Variants in ADGB observed in about 807,000 individuals in gnomAD.
ADGB encodes the protein androglobin, also known as calpain-7-like protein.
Under a neutral mutation model 210.5 loss-of-function variants are expected in ADGB, and 172 were observed. That is an observed-to-expected ratio of 0.82 (90% confidence interval 0.72 to 0.93). The LOEUF (loss-of-function observed/expected upper bound fraction) is 0.93. Ranked by LOEUF, ADGB falls within the 40% of genes least tolerant of loss-of-function variation. The probability of loss-of-function intolerance (pLI) is 0.00; values close to 1 mark genes in which losing one functional copy is unlikely to be tolerated. For missense variants in ADGB, 2,025 were observed against 1,964.8 expected, an observed-to-expected ratio of 1.03 and a Z score of -0.58; for synonymous variants, 658 against 662.7, an observed-to-expected ratio of 0.99 and a Z score of 0.11.
At position 146,721,318 on chromosome 6, in the gene ADGB, A is replaced by G. The variant is rs117722156; in HGVS notation, c.1993-85A>G. The G allele has an allele frequency of 1.4e-3, 1,185 of 840,892 alleles. 22 individuals carry two copies. The East Asian group carries it at 0.028, about 20-fold the overall frequency. 52.1% of individuals were successfully genotyped at this position (840,892 alleles called of 1,614,324 possible). ...ACAGTAAGTTTCCTGTAACTCTTAG[A>G]TGTTATACTATGTTTTCATTAGAAG... On this transcript the variant is annotated intron_variant, in intron 16 of 35. Transcript: ENST00000397944.
At chr6:146,685,129 C>CT (rs1181935862) in intron 9 of ADGB, among the ~76,000 whole-genome samples, 1 of 151,444 alleles carries the variant, frequency 6.6e-6, no homozygotes, top group East Asian at 1.9e-4. Context: ...TTTGCAGGAC[C>CT]AAAAAATACT....
intron 27 of ADGB, among the ~76,000 whole-genome samples, chr6:146,761,813 G>A (rs971909347): frequency 6.6e-6 from 1 of 152,056 alleles, no homozygotes; most frequent in Non-Finnish European, 1.5e-5. Context: ...AGTTCTGGAA[G>A]GCAGAAGTCT....
chr6:146,696,823 G>C (rs1046262245), intron 12 of ADGB, among the ~76,000 whole-genome samples: 4 of 152,002 alleles, frequency 2.6e-5, no homozygotes, highest in African/African-American at 9.7e-5. Context: ...AGAGAGGCTT[G>C]GTGTATTTCA....
chr6:146,664,473 T>A, intron 6 of ADGB, 133 bp downstream of exon 6: 1 of 908,176 alleles, frequency 1.1e-6, no homozygotes, highest in African/African-American at 1.7e-5. Context: ...TGTAATGCTC[T>A]AGTATAAAAT....
At chr6:146,758,239 T>C (rs1777437666) in intron 27 of ADGB, among the ~76,000 whole-genome samples, 1 of 152,108 alleles carries the variant, frequency 6.6e-6, no homozygotes, top group South Asian at 2.1e-4. Flanking sequence ...ATGCTGTTTT[T>C]AACTCTTTAA....
chr6:146,812,223 A>G (rs1274360716), intron 35 of ADGB, among the ~76,000 whole-genome samples: 2 of 151,110 alleles, frequency 1.3e-5, no homozygotes, highest in African/African-American at 4.9e-5. Flanking sequence ...AAACTATTAG[A>G]AGCAGGTTCA....
intron 3 of ADGB, among the ~76,000 whole-genome samples, chr6:146,649,497 ATT>A (rs35622724): frequency 2.8e-5 from 4 of 145,232 alleles, no homozygotes; most frequent in Non-Finnish European, 3.0e-5. Flanking sequence ...TATTTTACTA[ATT>A]TTTTTTTTTT....
chr6:146,727,560 G>T (rs1055769254), intron 19 of ADGB, among the ~76,000 whole-genome samples: 1 of 152,064 alleles, frequency 6.6e-6, no homozygotes, highest in Admixed American at 6.6e-5. Flanking sequence ...TATCTCCCCA[G>T]GTGTTTATTT....
intron 34 of ADGB, 81 bp downstream of exon 34, chr6:146,801,360 T>A: frequency 2.2e-6 from 2 of 924,398 alleles, no homozygotes; most frequent in Middle Eastern, 2.7e-4. Flanking sequence ...ATGTTTTCTG[T>A]AAAGATTTAA....
At chr6:146,632,889 C>G (rs536242470) in intron 1 of ADGB, among the ~76,000 whole-genome samples, 1 of 152,230 alleles carries the variant, frequency 6.6e-6, no homozygotes, top group Non-Finnish European at 1.5e-5. Context: ...CTTGCTCAAT[C>G]TATACCAGCT....
chr6:146,696,744 G>A (rs1776409590), intron 12 of ADGB, among the ~76,000 whole-genome samples: 1 of 152,186 alleles, frequency 6.6e-6, no homozygotes, highest in Non-Finnish European at 1.5e-5. Flanking sequence ...CAATGTAAGA[G>A]TGCAAGCTGG....
intron 1 of ADGB, among the ~76,000 whole-genome samples, chr6:146,602,043 G>C (rs1355017199): frequency 6.6e-6 from 1 of 152,082 alleles, no homozygotes; most frequent in Non-Finnish European, 1.5e-5. Context: ...ATATAACTTT[G>C]AATCACCAAG....
chr6:146,599,248 G>C (rs892569675), intron 1 of ADGB, 134 bp downstream of exon 1: 36 of 790,088 alleles, frequency 4.6e-5, no homozygotes, highest in Non-Finnish European at 1.7e-5. Flanking sequence ...TGTCTTCTCT[G>C]GTAAACCAGA....
intron 1 of ADGB, among the ~76,000 whole-genome samples, chr6:146,604,147 G>A (rs1475482835): frequency 1.3e-5 from 2 of 152,170 alleles, no homozygotes; most frequent in Non-Finnish European, 2.9e-5. Flanking sequence ...TAAAAGGTCG[G>A]TTGGAGCAAG....
At position 146,669,433 on chromosome 6, in the gene ADGB, G is replaced by A. The variant is rs151182836; in HGVS notation, c.839+2531G>A. On this transcript the variant is annotated intron_variant, in intron 7 of 35. Coordinates refer to ENST00000397944, the MANE Select transcript of ADGB (RefSeq NM_024694.4). ...CCCGTTTCTTCTCATCTGACTGTTTGACCTTCCCCGTCCACCACACCAGTG... is the reference window on the plus strand; with the variant it reads ...CCCGTTTCTTCTCATCTGACTGTTTAACCTTCCCCGTCCACCACACCAGTG... 1.9e-4 allele frequency among the ~76,000 whole-genome samples: 29 copies of A among 152,104 alleles called. No individual in the cohort carries two copies. The East Asian group carries it at 4.8e-3, about 25-fold the overall frequency.
At position 146,731,660 on chromosome 6, in the gene ADGB, C is replaced by G. The variant is rs554948382; in HGVS notation, c.2521-1460C>G. Among the ~76,000 whole-genome samples the G allele has an allele frequency of 3.3e-5, 5 of 152,320 alleles. No individual in the cohort carries two copies. In the South Asian group the frequency reaches 6.2e-4, roughly 19 times the overall value. ...CAATGTAGCAGAAACCCTAATACCT[C>G]ATGATAATCAATGTGAATTCTCCTC... On this transcript the variant is annotated intron_variant, in intron 20 of 35. Coordinates refer to ENST00000397944, the MANE Select transcript of ADGB (RefSeq NM_024694.4).
intron 14 of ADGB, among the ~76,000 whole-genome samples, chr6:146,716,003 G>A (rs1350895543): frequency 1.3e-5 from 2 of 149,516 alleles, no homozygotes; most frequent in African/African-American, 2.5e-5. Flanking sequence ...GGGAGTCAGA[G>A]GTTGCAGTGA....
intron 2 of ADGB, among the ~76,000 whole-genome samples, chr6:146,643,759 A>G (rs946434882): frequency 6.6e-5 from 10 of 151,904 alleles, no homozygotes; most frequent in African/African-American, 2.4e-4. Flanking sequence ...AACAGCCCAC[A>G]TGTTCTTCAA....
In ADGB at chr6:146,664,331, C is replaced by T. The variant is rs1775908433; in HGVS notation, c.743C>T (p.Ala248Val). 6.5e-7 allele frequency: 1 copy of T among 1,547,006 alleles called. No individual in the cohort carries two copies. Among genetic ancestry groups the T allele is most frequent in the Non-Finnish European group, 8.7e-7 (1 of 1,145,040 alleles). The change falls in exon 6 of 36, where the codon GCA (alanine) becomes GTA (valine). Residue 248 changes from alanine to valine, a missense_variant. By Grantham distance (64) the Ala-to-Val change is moderately conservative. Transcript: ENST00000397944. The part of the protein sequence containing the change: ...MLLSKAIIKL[A>V]NIDIHVADRR... ...TTGTCTAAAGCTATTATCAAGCTGG[C>T]AAATATTGAGTATGTAATGACACTA... is the stretch of plus-strand genomic sequence containing the variant.
Sources: gnomAD v4.1 joint callset for allele counts (sites outside exome capture counted in the v4.1 genomes callset) on GRCh38, gnomAD v4.1.1 for gene constraint, MANE v1.5 for transcripts, NCBI Gene and HGNC (gene_info 2026-07-23, HGNC 2026-07-21) for gene names.